The following SUN5 variants were observed in gnomAD, a reference collection of about 807,000 sequenced individuals.
The protein encoded by SUN5 is Sad1 and UNC84 domain containing 5, also known as SUN domain-containing protein 5.
SUN5 carries 44 observed loss-of-function variants against 53.7 expected under a neutral mutation model. The ratio of observed to expected loss-of-function variants is 0.82; its 90% CI spans 0.64 to 1.05. The LOEUF is 1.05. Ranked by LOEUF, SUN5 falls within the 50% of genes least tolerant of loss-of-function variation. The pLI, the probability that SUN5 is intolerant of heterozygous loss-of-function variation, is 0.00. For missense variants in SUN5, 433 were observed against 483.8 expected (o/e 0.90, Z 0.98); for synonymous variants, 166 against 179.8 (o/e 0.92, Z 0.62).
chr20:32,990,981 A>C (rs1265111388), intron 8 of SUN5, among the ~76,000 whole-genome samples: 1 of 152,230 alleles, frequency 6.6e-6, no homozygotes, highest in South Asian at 2.1e-4. Context: ...GTTGATGTGC[A>C]AACTGGAGGC....
chr20:32,991,324 G>T (rs1989707193), intron 8 of SUN5, among the ~76,000 whole-genome samples: 1 of 152,172 alleles, frequency 6.6e-6, no homozygotes, highest in African/African-American at 2.4e-5. Flanking sequence ...TTGTTTAAAT[G>T]CAACACACAT....
At chr20:32,997,829 T>C in intron 5 of SUN5, 142 bp from the exon 6 acceptor site, 1 of 738,944 alleles carries the variant, frequency 1.4e-6, no homozygotes, top group Non-Finnish European at 2.2e-6. Context: ...CTTAATGCTC[T>C]ATGCCTCTGT....
At chr20:32,990,032 A>T (rs6057689) in intron 8 of SUN5, among the ~76,000 whole-genome samples, 52,095 of 151,682 alleles carry the variant, frequency 0.34, 9,581 homozygotes, top group East Asian at 0.79. Flanking sequence ...GAGTCTCGAT[A>T]TTCTCACCTG....
intron 10 of SUN5, among the ~76,000 whole-genome samples, chr20:32,986,403 G>A (rs1032864640): frequency 6.6e-6 from 1 of 152,160 alleles, no homozygotes; most frequent in African/African-American, 2.4e-5. Context: ...CTGCCCCACA[G>A]ACGGGGAAAC....
chr20:32,995,038 GCA>G (rs1989808106), intron 8 of SUN5, among the ~76,000 whole-genome samples: 2 of 152,074 alleles, frequency 1.3e-5, no homozygotes, highest in Non-Finnish European at 2.9e-5. Flanking sequence ...ATCACATAAA[GCA>G]CTCTAAAGGC....
At chr20:33,004,170 G>A in intron 1 of SUN5, 94 bp downstream of exon 1, 1 of 1,361,206 alleles carries the variant, frequency 7.3e-7, no homozygotes, top group South Asian at 1.5e-5. Context: ...GTACAGTACA[G>A]TTGACAATGC....
rs751353089 is a variant in SUN5, at chr20:32,983,896, C to T, written c.1038G>A (p.Trp346Ter). ...SAVKVKISSN[W>*]GNPGFTCLYR... ...ACAGGCAAGTGAAGCCTGGGTTCCCCCAGTTGCTTGAGATCTTCACCTTGA... is the reference window on the plus strand; with the variant it reads ...ACAGGCAAGTGAAGCCTGGGTTCCCTCAGTTGCTTGAGATCTTCACCTTGA... Residue 346 changes from tryptophan to a stop codon, truncating the protein, a stop_gained, in exon 13 of 13, where the codon TGG becomes TGA. Transcript: ENST00000356173. LOFTEE classifies it low-confidence loss of function (END_TRUNC). 10 of 1,598,858 alleles carry T rather than the reference C, an allele frequency of 6.3e-6. No homozygotes were observed. The South Asian group carries it at 6.9e-5, about 11-fold the overall frequency.
chr20:33,004,069 C>T (rs531942722), intron 1 of SUN5, among the ~76,000 whole-genome samples, 195 bp downstream of exon 1: 15 of 152,274 alleles, frequency 9.9e-5, no homozygotes, highest in African/African-American at 3.1e-4. Flanking sequence ...TCAATAAATG[C>T]GTGCTGGAAG....
Position 33,004,306 on chromosome 20 carries a change from C to T in SUN5, c.35G>A (p.Gly12Asp). The T allele has an allele frequency of 1.3e-6, 2 of 1,576,236 alleles. No individual in the cohort carries two copies. The highest frequency in any genetic ancestry group is 8.6e-7 in the Non-Finnish European group (1 of 1,160,416). Residue 12 changes from glycine (G) to aspartate (D), a missense_variant, in exon 1 of 13, where the codon GGC (glycine) becomes GAC (aspartate). Physicochemically the swap from Gly to Asp is moderately conservative, Grantham distance 94 (BLOSUM62 -1). Coordinates refer to ENST00000356173, the MANE Select transcript of SUN5 (RefSeq NM_080675.4). The part of the protein sequence containing the change: ...PRSSRSPGDP[G>D]ALLEDVAHNP... ...GTGGGCCACATCTTCGAGTAGGGCG[C>T]CTGGGTCCCCAGGGCTCCTTGAGGA... is the stretch of plus-strand genomic sequence containing the variant.
At chr20:32,994,842 T>A (rs1158180536) in intron 8 of SUN5, among the ~76,000 whole-genome samples, 1 of 151,414 alleles carries the variant, frequency 6.6e-6, no homozygotes, top group Non-Finnish European at 1.5e-5. Flanking sequence ...GTGAGCTGCC[T>A]GGGCGACAGA....
intron 5 of SUN5, 28 bp from the exon 6 acceptor site, chr20:32,997,715 C>T (rs1453288218): frequency 6.2e-7 from 1 of 1,612,864 alleles, no homozygotes; most frequent in East Asian, 2.2e-5. Flanking sequence ...TAAGAATGAG[C>T]CATTTAACAT....
intron 12 of SUN5, among the ~76,000 whole-genome samples, chr20:32,984,252 G>A (rs995977279): frequency 1.3e-5 from 2 of 152,288 alleles, no homozygotes; most frequent in African/African-American, 2.4e-5. Context: ...TGCCCCGCCC[G>A]TAAGATGGGA....
At chr20:32,985,959 C>G in intron 10 of SUN5, 56 bp from the exon 11 acceptor site, 2 of 1,559,340 alleles carry the variant, frequency 1.3e-6, no homozygotes, top group Non-Finnish European at 8.7e-7. Flanking sequence ...GATCATCCCA[C>G]CTTTGATCCC....
Position 33,004,424 on chromosome 20 carries a change from C to G in SUN5, c.-84G>C. 1 of 1,449,744 alleles carries G rather than the reference C, an allele frequency of 6.9e-7. No individual in the cohort carries two copies. Among genetic ancestry groups the G allele is most frequent in the Non-Finnish European group, 9.1e-7 (1 of 1,096,676 alleles). The allele number at this position is 1,449,744 out of a possible 1,614,324, so 89.8% of individuals were successfully genotyped here. A position where few individuals can be genotyped will look rare whatever the true frequency, so the allele number is the denominator to read the frequency against. ...AAGGGGCTGATGCCTCTGAATGTCCCCTGAAAAGTGCCAAGTGGAATCTGC... is the reference window on the plus strand; with the variant it reads ...AAGGGGCTGATGCCTCTGAATGTCCGCTGAAAAGTGCCAAGTGGAATCTGC... On this transcript the variant is annotated 5_prime_UTR_variant, in exon 1 of 13. Coordinates refer to ENST00000356173, the MANE Select transcript of SUN5 (RefSeq NM_080675.4).
intron 8 of SUN5, among the ~76,000 whole-genome samples, chr20:32,992,156 C>T (rs1989726755): frequency 1.3e-5 from 2 of 152,196 alleles, no homozygotes; most frequent in Non-Finnish European, 2.9e-5. Context: ...AGTTGTCCTA[C>T]ACCTTGTAGG....
At chr20:32,987,316 C>T (rs1343772393) in intron 10 of SUN5, among the ~76,000 whole-genome samples, 1 of 152,104 alleles carries the variant, frequency 6.6e-6, no homozygotes, top group East Asian at 1.9e-4. Flanking sequence ...CCAGTGTAGT[C>T]CTGAGGTTTC....
rs368333738 is a variant in SUN5 at position 32,988,226 on chromosome 20, A to G, written c.614-451T>C. On this transcript the variant is annotated intron_variant, in intron 9 of 12. Coordinates refer to ENST00000356173, the MANE Select transcript of SUN5 (RefSeq NM_080675.4). ...AGTCTTGTGATGACGACCGACACCCATTGTGCAGAGGAGGAAATTCCAGCT... is the reference window on the plus strand; with the variant it reads ...AGTCTTGTGATGACGACCGACACCCGTTGTGCAGAGGAGGAAATTCCAGCT... 5.7e-4 allele frequency among the ~76,000 whole-genome samples: 87 copies of G among 152,286 alleles called. 1 individual carries two copies. The highest frequency in any genetic ancestry group is 2.0e-3 in the African/African-American group (83 of 41,560).
At position 32,995,612 on chromosome 20, in the gene SUN5, G is replaced by A. The variant is rs765165244; in HGVS notation, c.534+7C>T. ...AGATGTTTGGGGCAGAATGGCCAGC[G>A]TCTCACCTCATCGGACATGGCTTCC... On this transcript the variant is annotated splice_region_variant and intron_variant, in intron 8 of 12. Transcript: ENST00000356173. The A allele has an allele frequency of 3.2e-5, 51 of 1,612,136 alleles. No individual in the cohort carries two copies. The Admixed American group carries it at 3.5e-4, about 11-fold the overall frequency.
intron 8 of SUN5, 38 bp from the exon 9 acceptor site, chr20:32,989,736 T>C (rs1386145054): frequency 1.0e-5 from 16 of 1,583,828 alleles, no homozygotes; most frequent in Non-Finnish European, 1.4e-5. Flanking sequence ...CCCTGGTGTG[T>C]TGTCACGGAC....
Sources: gnomAD v4.1 joint callset for allele counts (sites outside exome capture counted in the v4.1 genomes callset) on GRCh38, gnomAD v4.1.1 for gene constraint, MANE v1.5 for transcripts, NCBI Gene and HGNC (gene_info 2026-07-23, HGNC 2026-07-21) for gene names.